SYCP2: variants seen among roughly 807,000 people sequenced by gnomAD.
SYCP2 encodes synaptonemal complex protein 2.
A neutral mutation model predicts 211.3 loss-of-function variants in SYCP2; 55 were observed. The observed-to-expected ratio is 0.26, with a 90% CI of 0.21 to 0.33. The LOEUF (loss-of-function observed/expected upper bound fraction) is 0.33, where lower values mean the gene tolerates loss of function less well. Among genes scored for constraint, SYCP2 ranks in the 10% least tolerant of loss-of-function variants. The pLI, the probability that SYCP2 is intolerant of heterozygous loss-of-function variation, is 1.00. For synonymous variants in SYCP2, 570 were observed against 555.2 expected, an observed-to-expected ratio of 1.03 and a Z score of -0.37; for missense variants, 1,731 against 1,752.0, an observed-to-expected ratio of 0.99 and a Z score of 0.21.
In SYCP2 at chr20:59,867,105, C is replaced by CGGGGGGGGGGGG. The variant is rs373444865; in HGVS notation, c.4126-528_4126-517dup. ...GGAGAAAGGAAAGCAAGACTGGGGG[C>CGGGGGGGGGGGG]GGGGGGGGGGGGGGAGGGTGTTGAT... On this transcript the variant is annotated intron_variant, in intron 39 of 44. Transcript: ENST00000357552. Among the ~76,000 whole-genome samples, 4 of 3,464 alleles carry CGGGGGGGGGGGG rather than the reference C, an allele frequency of 1.2e-3. 1 individual carries two copies. Among genetic ancestry groups the CGGGGGGGGGGGG allele is most frequent in the Non-Finnish European group, 3.3e-3 (4 of 1,198 alleles). 2.3% of individuals were successfully genotyped at this position (3,464 alleles called of 152,430 possible).
At chr20:59,870,696 AG>A (rs2059435813) in intron 35 of SYCP2, among the ~76,000 whole-genome samples, 1 of 151,846 alleles carries the variant, frequency 6.6e-6, no homozygotes, top group Non-Finnish European at 1.5e-5. Flanking sequence ...ATGGTGGGGC[AG>A]GGGGTATGTA....
chr20:59,893,642 A>G, intron 20 of SYCP2, 49 bp from the exon 21 acceptor site: 2 of 1,404,588 alleles, frequency 1.4e-6, no homozygotes, highest in South Asian at 2.5e-5. Flanking sequence ...GTTATATGAA[A>G]ACCTAAATGT....
At chr20:59,868,955 A>T (rs1207562955) in intron 36 of SYCP2, 30 bp from the exon 37 acceptor site, 1 of 1,508,052 alleles carries the variant, frequency 6.6e-7, no homozygotes, top group Non-Finnish European at 9.1e-7. Context: ...TTAGAAAAAA[A>T]TTCCGTAAAT....
chr20:59,864,276 A>G lies in SYCP2; in HGVS notation c.*35T>C. Reference sequence around the variant, plus strand: ...TTTCCTCAGTTATATACAGAGAATAATAATTAGATAAAGTATGGTGATAAA... The same window carrying G: ...TTTCCTCAGTTATATACAGAGAATAGTAATTAGATAAAGTATGGTGATAAA... On this transcript the variant is annotated 3_prime_UTR_variant, in exon 45 of 45. Transcript: ENST00000357552. 7.2e-7 allele frequency: 1 copy of G among 1,385,770 alleles called. No homozygotes were observed. The highest frequency in any genetic ancestry group is 1.0e-6 in the Non-Finnish European group (1 of 992,452). The allele number at this position is 1,385,770 out of a possible 1,614,324, so 85.8% of individuals were successfully genotyped here.
At chr20:59,930,805 TTTTAATA>T (rs1322062767) in intron 2 of SYCP2, among the ~76,000 whole-genome samples, 7 of 152,158 alleles carry the variant, frequency 4.6e-5, no homozygotes, top group Admixed American at 1.3e-4. Flanking sequence ...TCTACAATAA[TTTTAATA>T]TTTAAGAATT....
At chr20:59,902,972 T>C (rs1241358539) in intron 15 of SYCP2, among the ~76,000 whole-genome samples, 1 of 152,144 alleles carries the variant, frequency 6.6e-6, no homozygotes, top group African/African-American at 2.4e-5. Flanking sequence ...TCTGATATGC[T>C]TTTGACTTTT....
chr20:59,916,543 T>G lies in SYCP2; in HGVS notation c.456A>C (p.Val152=), dbSNP rs2145856799. 6.2e-7 allele frequency: 1 copy of G among 1,610,386 alleles called. No homozygotes were observed. Among genetic ancestry groups the G allele is most frequent in the African/African-American group, 1.3e-5 (1 of 74,922 alleles). The change falls in exon 8 of 45, where the codon GTA becomes GTC. Residue 152 remains valine (V), a synonymous_variant. Transcript: ENST00000357552. The part of the protein sequence containing the change: ...EGKKQVVESF[V]PRICSLVIDS... ...CAATAACCAGGGAACAAATGCGAGG[T>G]ACGAAACTTTCCACTACTTGTTTTT...
Position 59,900,210 on chromosome 20 carries a change from T to A in SYCP2, c.1332A>T (p.Pro444=). ...LVSLKEKSKS[P]KEFAKPSKYI... is the part of the protein sequence containing the mutation. ...ATTTTGAAGGTTTAGCAAATTCCTT[T>A]GGGGACTTTGATTTTTCCTTTAAAC... The change falls in exon 18 of 45, where the codon CCA becomes CCT. Residue 444 remains proline, a synonymous_variant. Coordinates refer to ENST00000357552, the MANE Select transcript of SYCP2 (RefSeq NM_014258.4). 6.2e-7 allele frequency: 1 copy of A among 1,613,062 alleles called. No individual in the cohort carries two copies.
At chr20:59,879,116 C>A (rs1393713607) in intron 31 of SYCP2, among the ~76,000 whole-genome samples, 1 of 152,078 alleles carries the variant, frequency 6.6e-6, no homozygotes, top group Non-Finnish European at 1.5e-5. Context: ...CATCTTCCCA[C>A]TAGACTGTAA....
At chr20:59,895,222 A>G (rs538887619) in intron 20 of SYCP2, among the ~76,000 whole-genome samples, 7 of 152,142 alleles carry the variant, frequency 4.6e-5, no homozygotes, top group Non-Finnish European at 7.4e-5. Context: ...AAATCAAGTT[A>G]TAGTGAATTA....
intron 31 of SYCP2, among the ~76,000 whole-genome samples, chr20:59,880,074 G>C (rs1439102121): frequency 1.3e-5 from 2 of 150,928 alleles, no homozygotes; most frequent in Admixed American, 6.6e-5. Flanking sequence ...AAAATCATGA[G>C]CCAAGGATAA....
intron 2 of SYCP2, among the ~76,000 whole-genome samples, chr20:59,928,577 C>A (rs1003748124): frequency 1.3e-5 from 2 of 152,002 alleles, no homozygotes; most frequent in Non-Finnish European, 2.9e-5. Flanking sequence ...AAACATATTA[C>A]AAAGTCACAA....
At chr20:59,911,647 T>C in intron 14 of SYCP2, 103 bp downstream of exon 14, 1 of 451,380 alleles carries the variant, frequency 2.2e-6, no homozygotes, top group South Asian at 9.5e-5. Context: ...AAAATCTAGG[T>C]AAAGACTGGC....
chr20:59,903,407 T>C (rs1011655450), intron 15 of SYCP2, among the ~76,000 whole-genome samples: 3 of 151,970 alleles, frequency 2.0e-5, no homozygotes, highest in African/African-American at 4.8e-5. Flanking sequence ...GAGAAAAAGA[T>C]AGCTTCAGGA....
At chr20:59,897,931 A>C (rs2060041487) in intron 18 of SYCP2, among the ~76,000 whole-genome samples, 1 of 152,076 alleles carries the variant, frequency 6.6e-6, no homozygotes, top group Admixed American at 6.6e-5. Flanking sequence ...AAACAACAAC[A>C]ACAAACAAAA....
Position 59,885,981 on chromosome 20 carries a change from T to C in SYCP2, c.2493-17A>G, listed in dbSNP as rs1399752489. The C allele has an allele frequency of 1.9e-6, 3 of 1,592,922 alleles. No homozygotes were observed. The highest frequency in any genetic ancestry group is 1.7e-4 in the Middle Eastern group (1 of 6,016). On this transcript the variant is annotated splice_polypyrimidine_tract_variant and intron_variant, in intron 25 of 44. Coordinates refer to ENST00000357552, the MANE Select transcript of SYCP2 (RefSeq NM_014258.4). ...GAAAAACCACTGTAAAAAAAGATTT[T>C]GTCAAAATTGAAAAAGCAAATCAGT...
chr20:59,908,015 G>A (rs1428047762), intron 14 of SYCP2, among the ~76,000 whole-genome samples: 1 of 152,182 alleles, frequency 6.6e-6, no homozygotes, highest in Non-Finnish European at 1.5e-5. Flanking sequence ...GGGAGGCCAA[G>A]GCAGGCGGAT....
chr20:59,922,621 T>G (rs2060562758), intron 2 of SYCP2, among the ~76,000 whole-genome samples, 162 bp from the exon 3 acceptor site: 1 of 151,752 alleles, frequency 6.6e-6, no homozygotes, highest in Non-Finnish European at 1.5e-5. Flanking sequence ...TTGAATATGA[T>G]CAAATAAGTT....
intron 2 of SYCP2, among the ~76,000 whole-genome samples, chr20:59,925,293 C>T (rs1238382704): frequency 6.6e-6 from 1 of 151,994 alleles, no homozygotes; most frequent in Non-Finnish European, 1.5e-5. Context: ...ATAGGTGCAG[C>T]AAACCACCAT....
Sources: allele counts gnomAD v4.1 joint callset (sites outside exome capture counted in the v4.1 genomes callset), GRCh38; gene constraint gnomAD v4.1.1; transcripts MANE v1.5; gene names NCBI Gene and HGNC (gene_info 2026-07-23, HGNC 2026-07-21).